Variants in ACVR1 observed in about 807,000 individuals in gnomAD.
The protein encoded by ACVR1 is activin A receptor type 1.
ACVR1 carries 38 observed loss-of-function variants against 57.1 expected under a neutral mutation model. The observed-to-expected ratio is 0.67, with a 90% CI of 0.51 to 0.87. ACVR1 has a LOEUF of 0.87. Among genes scored for constraint, ACVR1 ranks in the 40% least tolerant of loss-of-function variants. The pLI is 0.00. For missense variants in ACVR1, 463 were observed against 638.2 expected (o/e 0.73, Z 2.96); for synonymous variants, 212 against 228.1 (o/e 0.93, Z 0.63).
chr2:157,818,549 A>G lies in ACVR1; in HGVS notation c.-172T>C, dbSNP rs569464771. On this transcript the variant is annotated 5_prime_UTR_variant, in exon 2 of 11. Coordinates refer to ENST00000434821, the MANE Select transcript of ACVR1 (RefSeq NM_001111067.4). ...TCACTTTGGCAGTGTGACGCTTACC[A>G]ATGCTCCAGGCTGCAGAGGGAAAGA... is the stretch of plus-strand genomic sequence containing the variant. The G allele has an allele frequency of 7.9e-5, 12 of 152,388 alleles. No individual in the cohort carries two copies. Among genetic ancestry groups the G allele is most frequent in the African/African-American group, 1.2e-4 (5 of 41,566 alleles). The allele number at this position is 152,388 out of a possible 1,614,324, so 9.4% of individuals were successfully genotyped here. A position where few individuals can be genotyped will look rare whatever the true frequency, so the allele number is the denominator to read the frequency against.
intron 9 of ACVR1, among the ~76,000 whole-genome samples, chr2:157,753,622 C>T (rs1685299141): frequency 6.6e-6 from 1 of 152,148 alleles, no homozygotes; most frequent in Admixed American, 6.5e-5. Context: ...ACAATTATTA[C>T]TAGACCTAAG....
chr2:157,791,942 C>A (rs1252067168), intron 3 of ACVR1, among the ~76,000 whole-genome samples: 1 of 152,122 alleles, frequency 6.6e-6, no homozygotes. Context: ...CTAAACTGGA[C>A]TGTTGGTAAT....
chr2:157,868,822 C>T (rs1202495010), intron 1 of ACVR1, among the ~76,000 whole-genome samples: 1 of 152,124 alleles, frequency 6.6e-6, no homozygotes, highest in African/African-American at 2.4e-5. Context: ...CTATGCCCAA[C>T]CTTACCTAGA....
intron 1 of ACVR1, among the ~76,000 whole-genome samples, chr2:157,856,410 T>G (rs1335270331): frequency 6.6e-6 from 1 of 152,148 alleles, no homozygotes; most frequent in African/African-American, 2.4e-5. Context: ...TCATTCTCCT[T>G]CCCCAAATCC....
chr2:157,780,851 C>A (rs1310009019), intron 3 of ACVR1, among the ~76,000 whole-genome samples: 5 of 152,176 alleles, frequency 3.3e-5, no homozygotes. Context: ...AGGACAAAGA[C>A]TGGCTATCAT....
intron 1 of ACVR1, among the ~76,000 whole-genome samples, chr2:157,847,152 A>G (rs1233001773): frequency 6.6e-6 from 1 of 152,232 alleles, no homozygotes; most frequent in Non-Finnish European, 1.5e-5. Flanking sequence ...CCTATTTTAC[A>G]TTTGAACTTA....
At chr2:157,855,269 A>AGTGTGTGTGT (rs532193935) in intron 1 of ACVR1, among the ~76,000 whole-genome samples, 3 of 85,182 alleles carry the variant, frequency 3.5e-5, no homozygotes, top group Admixed American at 1.4e-4. Context: ...AAAAAAAAAA[A>AGTGTGTGTGT]GTGTGTGTGT....
intron 1 of ACVR1, among the ~76,000 whole-genome samples, chr2:157,857,238 T>C (rs537324633): frequency 3.9e-5 from 6 of 152,156 alleles, no homozygotes; most frequent in African/African-American, 1.4e-4. Context: ...CAATTCTGGA[T>C]ATTTCTGGGA....
chr2:157,767,556 G>T (rs1685912863), intron 7 of ACVR1, among the ~76,000 whole-genome samples: 1 of 152,112 alleles, frequency 6.6e-6, no homozygotes, highest in African/African-American at 2.4e-5. Context: ...TTTTAAGACG[G>T]ATATGGCTTG....
chr2:157,809,309 C>G (rs1687666700), intron 2 of ACVR1, among the ~76,000 whole-genome samples: 1 of 152,174 alleles, frequency 6.6e-6, no homozygotes. Context: ...ATGGAATTCT[C>G]TCACAATTTA....
At chr2:157,874,028 G>A (rs2105392953) in intron 1 of ACVR1, among the ~76,000 whole-genome samples, 1 of 152,204 alleles carries the variant, frequency 6.6e-6, no homozygotes, top group East Asian at 1.9e-4. Flanking sequence ...TCTAAATCAA[G>A]TTTTATTTAA....
chr2:157,780,802 A>G (rs1194182202), intron 3 of ACVR1, among the ~76,000 whole-genome samples: 1 of 152,058 alleles, frequency 6.6e-6, no homozygotes, highest in Non-Finnish European at 1.5e-5. Context: ...CAACATAGCG[A>G]TTCATTTATA....
At chr2:157,769,666 G>C (rs1165787258) in intron 7 of ACVR1, among the ~76,000 whole-genome samples, 3 of 152,178 alleles carry the variant, frequency 2.0e-5, no homozygotes, top group Non-Finnish European at 4.4e-5. Flanking sequence ...ATCCTATACA[G>C]AGTTAAATTC....
At chr2:157,787,550 G>A (rs191611433) in intron 3 of ACVR1, among the ~76,000 whole-genome samples, 2 of 152,326 alleles carry the variant, frequency 1.3e-5, no homozygotes, top group Admixed American at 1.3e-4. Context: ...GAAAGTCCCA[G>A]TGAATTGTAA....
rs142814572 is a variant in ACVR1, at chr2:157,808,161, TTAAAA to T, written c.-7-8666_-7-8662del. Among the ~76,000 whole-genome samples the T allele has an allele frequency of 5.6e-3, 860 of 152,298 alleles. 9 individuals are homozygous for T. Among genetic ancestry groups the T allele is most frequent in the African/African-American group, 0.019 (810 of 41,554 alleles). On this transcript the variant is annotated intron_variant, in intron 2 of 10. Transcript: ENST00000434821. ...TGAGATTTGTCACTTACTTACTAGTTTAAAATAAAATAAATAAATTTTTTATTGTG... is the reference window on the plus strand; with the variant it reads ...TGAGATTTGTCACTTACTTACTAGTTTAAAATAAATAAATTTTTTATTGTG...
At chr2:157,775,657 A>C (rs1234523555) in intron 5 of ACVR1, among the ~76,000 whole-genome samples, 1 of 151,718 alleles carries the variant, frequency 6.6e-6, no homozygotes, top group Non-Finnish European at 1.5e-5. Context: ...GATGAAGCAG[A>C]GTTTCATATC....
chr2:157,765,197 G>C lies in ACVR1; in HGVS notation c.1066+724C>G, dbSNP rs548264885. 3.9e-5 allele frequency among the ~76,000 whole-genome samples: 6 copies of C among 152,284 alleles called. No individual in the cohort carries two copies. The East Asian group carries it at 1.2e-3, about 29-fold the overall frequency. ...TTTATAATGCAACTAAAGCTACACT[G>C]AGTACTACTCTAACACCATAAGAAT... On this transcript the variant is annotated intron_variant, in intron 8 of 10. Transcript: ENST00000434821.
At position 157,739,537 on chromosome 2, in the gene ACVR1, G is replaced by A. The variant is rs116829276; in HGVS notation, c.1265-967C>T. On this transcript the variant is annotated intron_variant, in intron 9 of 10. Transcript: ENST00000434821. ...TCCCTCAACAAAGGGTTCAAACAAT[G>A]AGGTAATAACTTGGTTTACTGCTCT... Among the ~76,000 whole-genome samples the A allele has an allele frequency of 5.7e-3, 863 of 152,254 alleles. 10 individuals carry two copies. The highest frequency in any genetic ancestry group is 0.02 in the African/African-American group (837 of 41,526).
intron 6 of ACVR1, 28 bp from the exon 7 acceptor site, chr2:157,770,542 A>T: frequency 6.2e-7 from 1 of 1,613,820 alleles, no homozygotes. Flanking sequence ...TAGGTGACAC[A>T]GAACAGTAGT....
Sources: gnomAD v4.1 joint callset for allele counts (sites outside exome capture counted in the v4.1 genomes callset) on GRCh38, gnomAD v4.1.1 for gene constraint, MANE v1.5 for transcripts, NCBI Gene and HGNC (gene_info 2026-07-23, HGNC 2026-07-21) for gene names.